The following EVC variants were observed in gnomAD, a reference collection of about 807,000 sequenced individuals.
EVC encodes evC complex member EVC.
Under a neutral mutation model 118.9 loss-of-function variants are expected in EVC, and 116 were observed. That is an observed-to-expected ratio of 0.98 (90% CI 0.84 to 1.14). The LOEUF (loss-of-function observed/expected upper bound fraction) is 1.14. Ranked by LOEUF, EVC falls within the 50% of genes most tolerant of loss-of-function variation. The pLI is 0.00. For missense variants in EVC, 1,401 were observed against 1,246.4 expected, an observed-to-expected ratio of 1.12 and a Z score of -1.87; for synonymous variants, 619 against 534.7, an observed-to-expected ratio of 1.16 and a Z score of -2.18.
chr4:5,723,605 C>T (rs1438645379), intron 2 of EVC, among the ~76,000 whole-genome samples: 1 of 152,070 alleles, frequency 6.6e-6, no homozygotes, highest in Non-Finnish European at 1.5e-5. Context: ...TTTCTTTTCT[C>T]CCCTGTTTGT....
intron 11 of EVC, among the ~76,000 whole-genome samples, chr4:5,765,344 AGGTGT>A (rs1732701691): frequency 8.7e-6 from 1 of 114,578 alleles, no homozygotes; most frequent in Admixed American, 7.9e-5. Context: ...ATTTTGGAAT[AGGTGT>A]GGTGTGGTGC....
chr4:5,824,816 T>G, the EVC span: 2 of 985,238 alleles, frequency 2.0e-6, no homozygotes, highest in Non-Finnish European at 2.4e-6. Flanking sequence ...AAAATTCCAG[T>G]TCAACTTTCT....
At position 5,754,698 on chromosome 4, in the gene EVC, C is replaced by G. The variant is rs955496056; in HGVS notation, c.1464+765C>G. Among the ~76,000 whole-genome samples, 1 of 152,162 alleles carries G rather than the reference C, an allele frequency of 6.6e-6. No individual in the cohort carries two copies. Among genetic ancestry groups the G allele is most frequent in the Non-Finnish European group, 1.5e-5 (1 of 68,030 alleles). ...CCACACTTGGGTTTGGGTGCTGACT[C>G]TGCCACTAAATAGCTGGGTGACCTT... On this transcript the variant is annotated intron_variant, in intron 10 of 20. Transcript: ENST00000264956. The surrounding 1 kb of genome is among the most constrained non-coding windows in gnomAD (Gnocchi z 5.8).
At chr4:5,815,886 G>A (rs1717595929), downstream of EVC, among the ~76,000 whole-genome samples, 2 of 151,848 alleles carry the variant, frequency 1.3e-5, no homozygotes, top group Non-Finnish European at 2.9e-5. Flanking sequence ...GGAGGCCTGG[G>A]AATATTCCTT....
chr4:5,779,259 T>A (rs1735222172), intron 11 of EVC, among the ~76,000 whole-genome samples: 1 of 152,196 alleles, frequency 6.6e-6, no homozygotes, highest in Non-Finnish European at 1.5e-5. Context: ...TAATATAGTT[T>A]GAAGTCAGGT....
chr4:5,761,825 G>A (rs571762977), intron 11 of EVC, among the ~76,000 whole-genome samples: 5 of 151,892 alleles, frequency 3.3e-5, no homozygotes, highest in African/African-American at 4.8e-5. Flanking sequence ...TTACGGCACC[G>A]GGAATTCAGC....
chr4:5,827,742 C>T, the EVC span, among the ~76,000 whole-genome samples: 1 of 147,602 alleles, frequency 6.8e-6, no homozygotes, highest in Non-Finnish European at 1.5e-5. Flanking sequence ...TGCACACACA[C>T]ACACACACAC....
intron 13 of EVC, among the ~76,000 whole-genome samples, chr4:5,794,344 TATA>T (rs1713468456): frequency 6.4e-5 from 8 of 124,652 alleles, no homozygotes; most frequent in African/African-American, 1.3e-4. Flanking sequence ...TTTATATACT[TATA>T]TATATATTTA....
In EVC at chr4:5,714,587, A is replaced by G. The variant is rs116687873; in HGVS notation, c.174+3033A>G. Among the ~76,000 whole-genome samples the G allele has an allele frequency of 8.8e-3, 1,321 of 150,242 alleles. 26 individuals carry two copies. The highest frequency in any genetic ancestry group is 0.03 in the African/African-American group (1,205 of 40,722). Reference sequence around the variant, plus strand: ...TTAGCTCTGTTGCCTCCCTTCCTCCATAAAATGTCCACTCTTCCCAACACC... The same window carrying G: ...TTAGCTCTGTTGCCTCCCTTCCTCCGTAAAATGTCCACTCTTCCCAACACC... On this transcript the variant is annotated intron_variant, in intron 1 of 20. Coordinates refer to ENST00000264956, the MANE Select transcript of EVC (RefSeq NM_153717.3).
chr4:5,789,781 A>C lies in EVC; in HGVS notation c.1777-3827A>C, dbSNP rs1712413850. 6.6e-6 allele frequency among the ~76,000 whole-genome samples: 1 copy of C among 152,168 alleles called. No individual in the cohort carries two copies. The highest frequency in any genetic ancestry group is 1.5e-5 in the Non-Finnish European group (1 of 68,034). On this transcript the variant is annotated intron_variant, in intron 12 of 20. Transcript: ENST00000264956. The surrounding 1 kb of genome is among the most constrained non-coding windows in gnomAD (Gnocchi z 4.3). ...GGCACCATCTGGTCCAGAGATCTTG[A>C]CCTTATCGATCATCATCGAATCCTG... is the stretch of plus-strand genomic sequence containing the variant.
In EVC at chr4:5,749,341, G is replaced by GGAAA. The variant is rs778335798; in HGVS notation, c.1098+1035_1098+1036insGAAA. On this transcript the variant is annotated intron_variant, in intron 8 of 20. Transcript: ENST00000264956. This position sits in a 1 kb window ranked among gnomAD's most constrained non-coding sequence, Gnocchi z 4.4. ...TAACACTAACGATAGCTGATGAGCG[G>GGAAA]AAAAAAAAAAAAAAAAAAAGGTCCC... 2.6e-3 allele frequency among the ~76,000 whole-genome samples: 313 copies of GGAAA among 121,862 alleles called. 14 individuals are homozygous for GGAAA. Among genetic ancestry groups the GGAAA allele is most frequent in the African/African-American group, 8.6e-3 (270 of 31,314 alleles). 79.9% of individuals were successfully genotyped at this position (121,862 alleles called of 152,430 possible). A position where few individuals can be genotyped will look rare whatever the true frequency, so the allele number is the denominator to read the frequency against.
At position 5,719,274 on chromosome 4, in the gene EVC, G is replaced by T. The variant is rs747092718; in HGVS notation, c.201G>T (p.Lys67Asn). The stretch of plus-strand genomic sequence containing the variant: ...AAGACGACACTCAAAATCTGCTCAA[G>T]AATTTGGAGTCTAATGCGCAGACCC... ...HQKDDTQNLL[K>N]NLESNAQTPS... Residue 67 changes from lysine to asparagine, a missense_variant, in exon 2 of 21, where the codon AAG becomes AAT. Coordinates refer to ENST00000264956, the MANE Select transcript of EVC (RefSeq NM_153717.3). The surrounding 1 kb of genome is among the most constrained non-coding windows in gnomAD (Gnocchi z 4.7). 1 of 1,614,182 alleles carries T rather than the reference G, an allele frequency of 6.2e-7. No individual in the cohort carries two copies. Among genetic ancestry groups the T allele is most frequent in the South Asian group, 1.1e-5 (1 of 91,086 alleles).
intron 5 of EVC, among the ~76,000 whole-genome samples, chr4:5,740,734 A>G (rs1728419900): frequency 1.3e-5 from 2 of 152,200 alleles, no homozygotes; most frequent in South Asian, 2.1e-4. Context: ...AAATTTCCAA[A>G]CTCAGCTGAA....
chr4:5,727,792 G>A (rs1224109077), intron 2 of EVC, among the ~76,000 whole-genome samples: 1 of 150,034 alleles, frequency 6.7e-6, no homozygotes, highest in Non-Finnish European at 1.5e-5. Context: ...TCTCCATATG[G>A]CTAGCCAGTT....
chr4:5,810,809 G>T (rs1577672827), intron 20 of EVC, 144 bp from the exon 21 acceptor site: 1 of 790,598 alleles, frequency 1.3e-6, no homozygotes, highest in Non-Finnish European at 2.1e-6. Context: ...GGGTTTTATT[G>T]GTTTCTTAAC....
chr4:5,767,918 G>T (rs570440002), intron 11 of EVC, among the ~76,000 whole-genome samples: 6 of 152,172 alleles, frequency 3.9e-5, no homozygotes, highest in Non-Finnish European at 8.8e-5. Flanking sequence ...GGCCATCTTG[G>T]CCCCTCCCCC....
Position 5,756,317 on chromosome 4 carries a change from A to G in EVC, c.1518A>G (p.Glu506=). ...RQRLMQCDLE[E]EENVRATEAV... is the part of the protein sequence containing the mutation. ...GGCTGATGCAGTGTGACCTGGAGGAAGAGGAGAATGTCAGAGCCACCGAGG... is the reference window on the plus strand; with the variant it reads ...GGCTGATGCAGTGTGACCTGGAGGAGGAGGAGAATGTCAGAGCCACCGAGG... The change falls in exon 11 of 21, where the codon GAA becomes GAG. Residue 506 remains glutamate, a synonymous_variant. Transcript: ENST00000264956. The surrounding 1 kb of genome is among the most constrained non-coding windows in gnomAD (Gnocchi z 4.2). 1 of 1,612,746 alleles carries G rather than the reference A, an allele frequency of 6.2e-7. No individual in the cohort carries two copies. Among genetic ancestry groups the G allele is most frequent in the Non-Finnish European group, 8.5e-7 (1 of 1,179,724 alleles).
intron 5 of EVC, among the ~76,000 whole-genome samples, chr4:5,739,352 A>G (rs1728175498): frequency 6.6e-6 from 1 of 152,174 alleles, no homozygotes; most frequent in Non-Finnish European, 1.5e-5. Flanking sequence ...GGCAAATATA[A>G]TGAAGGTTGG....
At position 5,738,718 on chromosome 4, in the gene EVC, C is replaced by T. The variant is rs1442234694; in HGVS notation, c.703-2998C>T. ...AGCAGCTGGGACCACAGGCGCGCAC[C>T]ACCTCGCCCAGACAATTTTTGCATT... On this transcript the variant is annotated intron_variant, in intron 5 of 20. Transcript: ENST00000264956. The surrounding 1 kb of genome is among the most constrained non-coding windows in gnomAD (Gnocchi z 6.5). Among the ~76,000 whole-genome samples the T allele has an allele frequency of 6.6e-6, 1 of 151,970 alleles. No homozygotes were observed. Among genetic ancestry groups the T allele is most frequent in the Admixed American group, 6.6e-5 (1 of 15,252 alleles).
Sources: allele counts gnomAD v4.1 joint callset (sites outside exome capture counted in the v4.1 genomes callset), GRCh38; gene constraint gnomAD v4.1.1; non-coding constraint Gnocchi (gnomAD v3.1); transcripts MANE v1.5; gene names NCBI Gene and HGNC (gene_info 2026-07-23, HGNC 2026-07-21).